RYR3: variants seen among roughly 807,000 people sequenced by gnomAD.
RYR3 encodes the protein brain ryanodine receptor-calcium release channel.
RYR3 carries 207 observed loss-of-function variants against 584.3 expected under a neutral mutation model. That is an observed-to-expected ratio of 0.35 (90% CI 0.32 to 0.40). The LOEUF (loss-of-function observed/expected upper bound fraction) is 0.40. Ranked by LOEUF, RYR3 falls within the 10% of genes least tolerant of loss-of-function variation. RYR3 has a pLI of 1.00. For synonymous variants in RYR3, 2,416 were observed against 2,248.5 expected, an observed-to-expected ratio of 1.07 and a Z score of -2.11; for missense variants, 5,616 against 6,089.2, an observed-to-expected ratio of 0.92 and a Z score of 2.59.
chr15:33,484,911 T>C (rs1451673993), intron 2 of RYR3, among the ~76,000 whole-genome samples: 1 of 152,168 alleles, frequency 6.6e-6, no homozygotes, highest in East Asian at 1.9e-4. Context: ...ATGGAAGTAA[T>C]GTTCAGGAGT....
At chr15:33,495,203 C>G (rs1213681766) in intron 2 of RYR3, among the ~76,000 whole-genome samples, 3 of 152,182 alleles carry the variant, frequency 2.0e-5, no homozygotes, top group Non-Finnish European at 4.4e-5. Flanking sequence ...GAGGTACACT[C>G]AATAACGGGG....
At chr15:33,835,795 C>T (rs1402014204) in intron 87 of RYR3, among the ~76,000 whole-genome samples, 1 of 152,188 alleles carries the variant, frequency 6.6e-6, no homozygotes, top group Admixed American at 6.5e-5. Flanking sequence ...GGAGAGAGTT[C>T]CTGGGAGGGC....
intron 47 of RYR3, 27 bp downstream of exon 47, chr15:33,729,053 AT>A: frequency 6.3e-7 from 1 of 1,595,754 alleles, no homozygotes; most frequent in Non-Finnish European, 8.6e-7. Flanking sequence ...ACAAAAAATT[AT>A]TGTTCCCATC....
Position 33,723,954 on chromosome 15 carries a change from A to T in RYR3, c.6801-111A>T, listed in dbSNP as rs2152809735. ...GGAAGACGAGGTTCCAAGGGAAAGG[A>T]TGTATGATATGCAAGAAGAGCAGAG... On this transcript the variant is annotated intron_variant, in intron 44 of 103. Coordinates refer to ENST00000634891, the MANE Select transcript of RYR3 (RefSeq NM_001036.6). The T allele has an allele frequency of 9.4e-6, 6 of 638,212 alleles. No individual in the cohort carries two copies. In the Admixed American group the frequency reaches 1.4e-4, roughly 14 times the overall value. 39.5% of individuals were successfully genotyped at this position (638,212 alleles called of 1,614,324 possible). A position where few individuals can be genotyped will look rare whatever the true frequency, so the allele number is the denominator to read the frequency against.
At chr15:33,566,557 C>G in intron 11 of RYR3, 121 bp from the exon 12 acceptor site, 1 of 1,085,172 alleles carries the variant, frequency 9.2e-7, no homozygotes. Flanking sequence ...TCAAAATGGA[C>G]CCAAGAGAGC....
In RYR3 at chr15:33,865,061, A is replaced by C. The variant is rs1008367617; in HGVS notation, c.14518-70A>C. 31 of 1,246,376 alleles carry C rather than the reference A, an allele frequency of 2.5e-5. 1 individual carries two copies. Among genetic ancestry groups the C allele is most frequent in the Non-Finnish European group, 3.4e-5 (29 of 856,226 alleles). The allele number at this position is 1,246,376 out of a possible 1,614,324, so 77.2% of individuals were successfully genotyped here. A position where few individuals can be genotyped will look rare whatever the true frequency, so the allele number is the denominator to read the frequency against. On this transcript the variant is annotated intron_variant, in intron 103 of 103. Transcript: ENST00000634891. ...GTCTTCCTAAAGGGAGCCACAAAGA[A>C]CAAAAACAAACTGGGTTTTAGCTTT...
At chr15:33,582,042 A>T (rs905123853) in intron 14 of RYR3, among the ~76,000 whole-genome samples, 32 of 152,350 alleles carry the variant, frequency 2.1e-4, no homozygotes, top group African/African-American at 7.7e-4. Flanking sequence ...TCCACTTGTT[A>T]GTCATGATTC....
chr15:33,365,863 C>G (rs1360299886), intron 1 of RYR3, among the ~76,000 whole-genome samples: 5 of 152,152 alleles, frequency 3.3e-5, no homozygotes, highest in Non-Finnish European at 7.3e-5. Context: ...TTTTACATAT[C>G]AGTCATGCCT....
rs1237383096 is a variant in RYR3 at position 33,652,700 on chromosome 15, T to C, written c.4143-18T>C. 1 of 1,610,994 alleles carries C rather than the reference T, an allele frequency of 6.2e-7. No homozygotes were observed. The highest frequency in any genetic ancestry group is 1.7e-5 in the Admixed American group (1 of 59,480). On this transcript the variant is annotated intron_variant, in intron 31 of 103. Coordinates refer to ENST00000634891, the MANE Select transcript of RYR3 (RefSeq NM_001036.6). ...GCCCCAGTCCAGATTCTGTGCCTTT[T>C]CCTGTCTTGGCTCCTAGTGTGAAAC...
At chr15:33,506,500 A>G (rs2052494725) in intron 3 of RYR3, among the ~76,000 whole-genome samples, 1 of 152,202 alleles carries the variant, frequency 6.6e-6, no homozygotes, top group Non-Finnish European at 1.5e-5. Flanking sequence ...TGCCAAAGAG[A>G]AGAGAGACCT....
intron 80 of RYR3, among the ~76,000 whole-genome samples, chr15:33,822,338 A>G (rs1262530175): frequency 6.6e-6 from 1 of 152,184 alleles, no homozygotes; most frequent in Non-Finnish European, 1.5e-5. Context: ...GGCATTCATA[A>G]GGGTTATATC....
chr15:33,783,580 A>G (rs1405615248), intron 65 of RYR3, among the ~76,000 whole-genome samples: 1 of 152,244 alleles, frequency 6.6e-6, no homozygotes, highest in East Asian at 1.9e-4. Context: ...AAAAGTGTTC[A>G]TGATGATGTA....
intron 3 of RYR3, among the ~76,000 whole-genome samples, chr15:33,506,667 A>G (rs2052510736): frequency 6.6e-6 from 1 of 152,220 alleles, no homozygotes; most frequent in South Asian, 2.1e-4. Context: ...ATGACTCCAC[A>G]AAATAGTTAC....
chr15:33,314,609 A>G (rs1967825193), intron 1 of RYR3, among the ~76,000 whole-genome samples: 1 of 152,206 alleles, frequency 6.6e-6, no homozygotes, highest in Non-Finnish European at 1.5e-5. Flanking sequence ...TTTCCACCAC[A>G]ATGTTAATTG....
chr15:33,348,259 C>G (rs541891620), intron 1 of RYR3, among the ~76,000 whole-genome samples: 2 of 152,186 alleles, frequency 1.3e-5, no homozygotes, highest in Non-Finnish European at 2.9e-5. Context: ...TAGCCCATAA[C>G]CCCTGTGGGA....
At chr15:33,735,218 G>A (rs1567054665) in intron 48 of RYR3, among the ~76,000 whole-genome samples, 1 of 152,178 alleles carries the variant, frequency 6.6e-6, no homozygotes, top group Non-Finnish European at 1.5e-5. Context: ...TTGCTAATTA[G>A]CTGAATAATT....
chr15:33,352,933 A>G (rs1973474451), intron 1 of RYR3, among the ~76,000 whole-genome samples: 1 of 152,132 alleles, frequency 6.6e-6, no homozygotes, highest in South Asian at 2.1e-4. Context: ...TTAATATGTT[A>G]TATTTACTAT....
intron 85 of RYR3, among the ~76,000 whole-genome samples, chr15:33,828,475 A>G (rs2077491159): frequency 6.6e-6 from 1 of 152,242 alleles, no homozygotes; most frequent in Non-Finnish European, 1.5e-5. Context: ...ATGCAAAGAA[A>G]AAGTTATTAA....
Position 33,311,106 on chromosome 15 carries a change from C to T in RYR3, c.51+10C>T, listed in dbSNP as rs1233073343. On this transcript the variant is annotated intron_variant, in intron 1 of 103. Transcript: ENST00000634891. The surrounding 1 kb of genome is among the most constrained non-coding windows in gnomAD (Gnocchi z 4.4). ...CCAGTTTCTGAGGACTGTGAGTCTCCGCGGCGGGGGCGAGGCCGTGGGCAG... is the reference window on the plus strand; with the variant it reads ...CCAGTTTCTGAGGACTGTGAGTCTCTGCGGCGGGGGCGAGGCCGTGGGCAG... The T allele has an allele frequency of 3.2e-6, 5 of 1,567,576 alleles. No homozygotes were observed. The highest frequency in any genetic ancestry group is 2.5e-5 in the East Asian group (1 of 39,338).
Sources: gnomAD v4.1 joint callset for allele counts (sites outside exome capture counted in the v4.1 genomes callset) on GRCh38, gnomAD v4.1.1 for gene constraint, Gnocchi (gnomAD v3.1) non-coding constraint, MANE v1.5 for transcripts, NCBI Gene and HGNC (gene_info 2026-07-23, HGNC 2026-07-21) for gene names.